Variants in MYO1H observed in about 807,000 individuals in gnomAD.
MYO1H encodes myosin IH, also known as unconventional myosin-Ih.
In MYO1H, 118 loss-of-function variants were observed where a neutral mutation model predicts 149.3. That is an observed-to-expected ratio of 0.79 (90% CI 0.68 to 0.92). The LOEUF (loss-of-function observed/expected upper bound fraction) is 0.92, where lower values mean the gene tolerates loss of function less well. Among genes scored for constraint, MYO1H ranks in the 40% least tolerant of loss-of-function variants. The probability of loss-of-function intolerance (pLI) is 0.00; values close to 1 mark genes in which losing one functional copy is unlikely to be tolerated. For missense variants in MYO1H, 1,212 were observed against 1,280.7 expected (o/e 0.95, Z 0.82); for synonymous variants, 447 against 465.2 (o/e 0.96, Z 0.50).
chr12:109,435,970 G>A (rs1008589883), intron 21 of MYO1H, among the ~76,000 whole-genome samples: 2 of 152,194 alleles, frequency 1.3e-5, no homozygotes, highest in Admixed American at 6.5e-5. Context: ...TGGCTGCTCT[G>A]CAAGGCTCTT....
intron 31 of MYO1H, 73 bp downstream of exon 31, chr12:109,445,685 G>A: frequency 6.5e-7 from 1 of 1,538,450 alleles, no homozygotes; most frequent in South Asian, 1.3e-5. Context: ...ACCAATTTCA[G>A]TCCTGTAGAT....
At chr12:109,320,475 AAAG>A in the MYO1H span, among the ~76,000 whole-genome samples, 4 of 149,584 alleles carry the variant, frequency 2.7e-5, no homozygotes, top group South Asian at 2.1e-4. Context: ...AAAAAAAAAA[AAAG>A]CCAGGTGTGG....
chr12:109,409,243 C>CTTTTTTTTTTTTTTTTTTTTTTTTT (rs1870546238), intron 10 of MYO1H, among the ~76,000 whole-genome samples: 3 of 59,068 alleles, frequency 5.1e-5, no homozygotes, highest in African/African-American at 1.7e-4. Flanking sequence ...TCTTCTTCTT[C>CTTTTTTTTTTTTTTTTTTTTTTTTT]TTCTTTTTTT....
In MYO1H at chr12:109,438,608, G is replaced by A. The variant is rs747396794; in HGVS notation, c.2282G>A (p.Arg761Gln). Residue 761 changes from arginine to glutamine, a missense_variant, in exon 23 of 32, where the codon CGG (arginine) becomes CAG (glutamine). Physicochemically the swap from Arg to Gln is conservative, Grantham distance 43. Transcript: ENST00000310903. ...ATCCAAAGGAGAAAGTGGGCCGTGC[G>A]GATTATCAGAAAGTAAGTTCTCAGG... is the stretch of plus-strand genomic sequence containing the variant. The A allele has an allele frequency of 1.2e-5, 20 of 1,611,520 alleles. No homozygotes were observed. The highest frequency in any genetic ancestry group is 6.6e-5 in the South Asian group (6 of 90,330).
intron 6 of MYO1H, 186 bp downstream of exon 6, chr12:109,401,458 C>T (rs2137050297): frequency 5.1e-6 from 3 of 592,724 alleles, no homozygotes; most frequent in Non-Finnish European, 8.4e-6. Context: ...GCAGCTATAT[C>T]ACCTTGGTAA....
At chr12:109,407,030 TC>T (rs1221540192) in intron 9 of MYO1H, among the ~76,000 whole-genome samples, 170 bp downstream of exon 9, 1 of 152,052 alleles carries the variant, frequency 6.6e-6, no homozygotes, top group Non-Finnish European at 1.5e-5. Context: ...CCCATCACCA[TC>T]ACCACCACCA....
the MYO1H span, among the ~76,000 whole-genome samples, chr12:109,310,822 G>GA: frequency 6.6e-6 from 1 of 152,104 alleles, no homozygotes; most frequent in Non-Finnish European, 1.5e-5. Context: ...CTCTAGGGAG[G>GA]AAAAAGATGT....
intron 1 of MYO1H, among the ~76,000 whole-genome samples, chr12:109,357,697 AT>A (rs1483475130): frequency 9.4e-4 from 125 of 133,060 alleles, no homozygotes; most frequent in African/African-American, 3.4e-3. Flanking sequence ...TATTCTCTTG[AT>A]TTTTTTTCTC....
At chr12:109,352,630 A>G (rs1868488921) in intron 1 of MYO1H, among the ~76,000 whole-genome samples, 1 of 152,248 alleles carries the variant, frequency 6.6e-6, no homozygotes, top group Admixed American at 6.5e-5. Context: ...TTAAACATAC[A>G]GAAAAGAAGA....
At chr12:109,322,980 G>A in the MYO1H span, among the ~76,000 whole-genome samples, 12 of 148,480 alleles carry the variant, frequency 8.1e-5, no homozygotes, top group African/African-American at 2.2e-4. Flanking sequence ...GGTGTTGTGC[G>A]CCTGTGGTCC....
chr12:109,401,718 T>A (rs1870167034), intron 6 of MYO1H, among the ~76,000 whole-genome samples: 1 of 151,992 alleles, frequency 6.6e-6, no homozygotes, highest in Non-Finnish European at 1.5e-5. Flanking sequence ...CTATGCTATC[T>A]CATTCTGCTT....
At chr12:109,326,954 C>A in the MYO1H span, among the ~76,000 whole-genome samples, 2 of 151,948 alleles carry the variant, frequency 1.3e-5, no homozygotes, top group African/African-American at 2.4e-5. Flanking sequence ...AATAAGATAC[C>A]TTGGACAAAA....
At chr12:109,388,704 C>G (rs902186854) in exon 2 of MYO1H, 2 of 1,587,436 alleles carry the variant, frequency 1.3e-6, no homozygotes, top group Non-Finnish European at 1.7e-6. Context: ...GAGGAGGAAA[C>G]ACATCCGTCT....
upstream of MYO1H, among the ~76,000 whole-genome samples, chr12:109,344,821 A>G (rs2048097773): frequency 6.6e-6 from 1 of 152,222 alleles, no homozygotes; most frequent in Non-Finnish European, 1.5e-5. Flanking sequence ...GGTGTAAACT[A>G]CTATGTTTAT....
chr12:109,313,405 A>G, the MYO1H span, among the ~76,000 whole-genome samples: 91,761 of 152,096 alleles, frequency 0.6, 28,998 homozygotes, highest in African/African-American at 0.78. Flanking sequence ...CAACAACTTC[A>G]GAAGATGGGA....
chr12:109,311,276 C>G, the MYO1H span, among the ~76,000 whole-genome samples: 1 of 152,124 alleles, frequency 6.6e-6, no homozygotes, highest in East Asian at 1.9e-4. Flanking sequence ...GACAGCCCCT[C>G]CCACTAAAAA....
chr12:109,323,192 A>T, the MYO1H span, among the ~76,000 whole-genome samples: 1 of 152,172 alleles, frequency 6.6e-6, no homozygotes, highest in Non-Finnish European at 1.5e-5. Flanking sequence ...ACACGTGCAA[A>T]GCAATTTGAG....
At chr12:109,395,001 G>A (rs966984299) in intron 3 of MYO1H, among the ~76,000 whole-genome samples, 3 of 152,116 alleles carry the variant, frequency 2.0e-5, no homozygotes, top group South Asian at 4.1e-4. Context: ...GGGCTCAAGC[G>A]ATCTGCCTGC....
chr12:109,394,406 C>T (rs1869804082), intron 3 of MYO1H, among the ~76,000 whole-genome samples: 1 of 152,170 alleles, frequency 6.6e-6, no homozygotes, highest in Non-Finnish European at 1.5e-5. Flanking sequence ...GAAAATATAA[C>T]CACCTTGATA....
Sources: gnomAD v4.1 joint callset for allele counts (sites outside exome capture counted in the v4.1 genomes callset) on GRCh38, gnomAD v4.1.1 for gene constraint, MANE v1.5 for transcripts, NCBI Gene and HGNC (gene_info 2026-07-23, HGNC 2026-07-21) for gene names.